TSHR: variants seen among roughly 807,000 people sequenced by gnomAD.
TSHR encodes the protein thyroid stimulating hormone receptor.
Under a neutral mutation model 64.1 loss-of-function variants are expected in TSHR, and 51 were observed. The ratio of observed to expected loss-of-function variants is 0.80; its 90% CI spans 0.64 to 1.01. TSHR has a LOEUF of 1.01. TSHR is among the 50% of genes least tolerant of loss of function. The pLI is 0.00. For missense variants in TSHR, 877 were observed against 942.8 expected (o/e 0.93, Z 0.91); for synonymous variants, 361 against 361.9 (o/e 1.00, Z 0.03).
chr14:81,138,602 A>C (rs1209331), intron 8 of TSHR, among the ~76,000 whole-genome samples: 152,236 of 152,236 alleles, frequency 1, 76,118 homozygotes, highest in Non-Finnish European at 1. Context: ...TCACAAGAGT[A>C]ACAGTCCTGT....
At chr14:81,104,624 C>T in intron 7 of TSHR, 1 of 985,424 alleles carries the variant, frequency 1.0e-6, no homozygotes, top group Non-Finnish European at 1.2e-6. Context: ...ACGAGTGAGT[C>T]CAACAGAAAA....
At chr14:81,110,906 A>G (rs750114386) in intron 8 of TSHR, among the ~76,000 whole-genome samples, 3 of 152,256 alleles carry the variant, frequency 2.0e-5, no homozygotes, top group Non-Finnish European at 4.4e-5. Flanking sequence ...TAATTTTCAA[A>G]ACTAATTAAG....
intron 1 of TSHR, among the ~76,000 whole-genome samples, chr14:80,973,148 G>A (rs1356735017): frequency 2.6e-5 from 4 of 152,044 alleles, no homozygotes; most frequent in African/African-American, 9.7e-5. Context: ...GCTCACGCCT[G>A]TAATCCCAGC....
At chr14:81,067,483 T>TATATA (rs10528933) in intron 2 of TSHR, among the ~76,000 whole-genome samples, 17 of 134,970 alleles carry the variant, frequency 1.3e-4, no homozygotes, top group African/African-American at 4.6e-4. Context: ...GTTTATAGTT[T>TATATA]TATATATATA....
chr14:81,047,541 C>CA (rs1326532986), intron 1 of TSHR, among the ~76,000 whole-genome samples: 1 of 152,156 alleles, frequency 6.6e-6, no homozygotes, highest in Non-Finnish European at 1.5e-5. Flanking sequence ...AATTTATGAA[C>CA]TGCCAAAAGG....
At chr14:81,140,844 G>A (rs906963304) in intron 9 of TSHR, among the ~76,000 whole-genome samples, 3 of 152,142 alleles carry the variant, frequency 2.0e-5, no homozygotes, top group African/African-American at 7.2e-5. Flanking sequence ...TGGTGGCCGG[G>A]CACAGTGGCT....
chr14:81,108,501 T>TCTTTTTCTTTTTAC (rs1555382996), intron 8 of TSHR, 49 bp downstream of exon 8: 1 of 1,262,564 alleles, frequency 7.9e-7, no homozygotes, highest in African/African-American at 1.5e-5. Context: ...TTTCTTTTTT[T>TCTTTTTCTTTTTAC]TTTTTTGGAA....
intron 1 of TSHR, among the ~76,000 whole-genome samples, chr14:81,004,909 G>T (rs564372211): frequency 6.6e-6 from 1 of 152,284 alleles, no homozygotes; most frequent in South Asian, 2.1e-4. Context: ...GATACTCATG[G>T]TTTTCTCCTC....
At chr14:81,079,200 CT>C (rs1262163614) in intron 3 of TSHR, among the ~76,000 whole-genome samples, 5 of 152,170 alleles carry the variant, frequency 3.3e-5, no homozygotes, top group African/African-American at 1.2e-4. Flanking sequence ...AGATTTATAT[CT>C]GCAAAATGAT....
At chr14:81,082,971 G>A (rs557968920) in intron 3 of TSHR, among the ~76,000 whole-genome samples, 24 of 152,200 alleles carry the variant, frequency 1.6e-4, no homozygotes, top group Admixed American at 5.2e-4. Flanking sequence ...TCCAATGCCC[G>A]TTGAATAATT....
chr14:81,000,745 T>C (rs1481012989), intron 1 of TSHR, among the ~76,000 whole-genome samples: 1 of 152,078 alleles, frequency 6.6e-6, no homozygotes, highest in Non-Finnish European at 1.5e-5. Flanking sequence ...CCTTAAGCAC[T>C]CTCCAATGCT....
At position 81,081,322 on chromosome 14, in the gene TSHR, T is replaced by C. The variant is rs184276524; in HGVS notation, c.318-6632T>C. ...AGAACAAAATAGTTTTTCTCTGTAT[T>C]ATCAAATGATGAGAGTTTTTTTTTA... On this transcript the variant is annotated intron_variant, in intron 3 of 9. Coordinates refer to ENST00000298171, the MANE Select transcript of TSHR (RefSeq NM_000369.5). Among the ~76,000 whole-genome samples, 388 of 152,320 alleles carry C rather than the reference T, an allele frequency of 2.5e-3. 7 individuals carry two copies. In the Middle Eastern group the frequency reaches 0.027, roughly 11 times the overall value.
intron 1 of TSHR, among the ~76,000 whole-genome samples, chr14:80,974,441 T>G (rs936888184): frequency 6.6e-6 from 1 of 152,194 alleles, no homozygotes; most frequent in African/African-American, 2.4e-5. Flanking sequence ...CTGTTCTGTG[T>G]CAGAGTTTGG....
At chr14:81,120,445 AAATGGG>A (rs1890742648) in intron 8 of TSHR, among the ~76,000 whole-genome samples, 1 of 152,206 alleles carries the variant, frequency 6.6e-6, no homozygotes. Flanking sequence ...ATGCCATTAT[AAATGGG>A]ATTGTTTTCT....
At chr14:81,009,690 T>C (rs1193693366) in intron 1 of TSHR, among the ~76,000 whole-genome samples, 1 of 152,152 alleles carries the variant, frequency 6.6e-6, no homozygotes, top group African/African-American at 2.4e-5. Flanking sequence ...TCAAGAGAAA[T>C]TAATGTTGAT....
intron 6 of TSHR, among the ~76,000 whole-genome samples, chr14:81,096,438 G>A (rs893494426): frequency 2.0e-5 from 3 of 152,272 alleles, no homozygotes; most frequent in Admixed American, 6.5e-5. Flanking sequence ...GCTAAGTCAG[G>A]AGAATGGGCA....
chr14:80,997,926 G>A (rs1301805216), intron 1 of TSHR, among the ~76,000 whole-genome samples: 2 of 152,130 alleles, frequency 1.3e-5, no homozygotes, highest in African/African-American at 4.8e-5. Flanking sequence ...GGATGAGACT[G>A]TTTGTCTGAA....
chr14:81,134,441 C>T (rs767957832), intron 8 of TSHR, among the ~76,000 whole-genome samples: 11 of 151,754 alleles, frequency 7.2e-5, no homozygotes, highest in Admixed American at 1.3e-4. Context: ...CAACCAAATA[C>T]GCTGTTTTTA....
intron 1 of TSHR, chr14:80,956,082 A>G (rs572491790): frequency 1.6e-6 from 1 of 612,418 alleles, no homozygotes; most frequent in African/African-American, 1.8e-5. Flanking sequence ...AAATGTTACA[A>G]AACTTTGGTG....
Sources: allele counts gnomAD v4.1 joint callset (sites outside exome capture counted in the v4.1 genomes callset), GRCh38; gene constraint gnomAD v4.1.1; transcripts MANE v1.5; gene names NCBI Gene and HGNC (gene_info 2026-07-23, HGNC 2026-07-21).